SGCD: variants seen among roughly 807,000 people sequenced by gnomAD.
SGCD encodes the protein sarcoglycan delta.
Under a neutral mutation model 36.6 loss-of-function variants are expected in SGCD, and 18 were observed. The observed-to-expected ratio is 0.49, with a 90% CI of 0.34 to 0.73. The LOEUF is 0.73. SGCD is among the 30% of genes least tolerant of loss of function. The pLI is 0.01. For missense variants in SGCD, 387 were observed against 346.7 expected (o/e 1.12, Z -0.92); for synonymous variants, 133 against 130.6 (o/e 1.02, Z -0.12).
At chr5:156,642,186 C>T (rs1180576206) in intron 6 of SGCD, among the ~76,000 whole-genome samples, 1 of 152,114 alleles carries the variant, frequency 6.6e-6, no homozygotes, top group Non-Finnish European at 1.5e-5. Context: ...CTGATGACCT[C>T]ATCTAAACCT....
chr5:156,611,141 G>C (rs1398460225), intron 6 of SGCD, among the ~76,000 whole-genome samples: 1 of 152,196 alleles, frequency 6.6e-6, no homozygotes, highest in Non-Finnish European at 1.5e-5. Context: ...ACTCACGCTG[G>C]GAGCTGTAGA....
At chr5:156,370,073 G>C (rs1250618168) in intron 3 of SGCD, among the ~76,000 whole-genome samples, 1 of 152,006 alleles carries the variant, frequency 6.6e-6, no homozygotes, top group African/African-American at 2.4e-5. Flanking sequence ...TGTTCTCAGT[G>C]GGCACCCTCC....
intron 3 of SGCD, among the ~76,000 whole-genome samples, chr5:156,384,371 G>T (rs1160956184): frequency 6.6e-6 from 1 of 152,048 alleles, no homozygotes; most frequent in African/African-American, 2.4e-5. Context: ...CCTCCTGTAT[G>T]CTTCTGAATG....
At chr5:156,272,797 C>T (rs1766213490) in intron 3 of SGCD, among the ~76,000 whole-genome samples, 1 of 152,174 alleles carries the variant, frequency 6.6e-6, no homozygotes, top group African/African-American at 2.4e-5. Flanking sequence ...CTGTGGCCCA[C>T]AGCCTGTTTT....
intron 1 of SGCD, among the ~76,000 whole-genome samples, chr5:155,920,453 C>T (rs1756851982): frequency 6.6e-6 from 1 of 151,896 alleles, no homozygotes; most frequent in Non-Finnish European, 1.5e-5. Context: ...GATTGTAGTT[C>T]CCTGTGATGG....
intron 7 of SGCD, among the ~76,000 whole-genome samples, chr5:156,737,502 G>A (rs464992): frequency 0.9 from 137,382 of 152,260 alleles, 62,179 homozygotes; most frequent in African/African-American, 0.97. Context: ...TTAAGCTTGA[G>A]TGAGGTATAG....
intron 3 of SGCD, among the ~76,000 whole-genome samples, chr5:156,176,119 TTG>T (rs34739506): frequency 0.34 from 50,762 of 150,794 alleles, 9,213 homozygotes; most frequent in East Asian, 0.59. Flanking sequence ...CTAATATACT[TTG>T]TGTGTGTGTG....
In SGCD at chr5:156,409,345, CA is replaced by C. The variant is rs367943123; in HGVS notation, c.192+64669del. On this transcript the variant is annotated intron_variant, in intron 3 of 8. Coordinates refer to ENST00000337851, the MANE Select transcript of SGCD (RefSeq NM_000337.6). Reference sequence around the variant, plus strand: ...TGGTCAAACTTCTCTGTTTTAAAATCACTATGAACATTCTTTTTGTTCTGTC... The same window carrying C: ...TGGTCAAACTTCTCTGTTTTAAAATCCTATGAACATTCTTTTTGTTCTGTC... 4.1e-3 allele frequency among the ~76,000 whole-genome samples: 621 copies of C among 152,216 alleles called. 5 individuals carry two copies. Among genetic ancestry groups the C allele is most frequent in the African/African-American group, 0.014 (599 of 41,512 alleles).
chr5:155,895,501 G>A (rs906459344), intron 1 of SGCD, among the ~76,000 whole-genome samples: 1 of 152,140 alleles, frequency 6.6e-6, no homozygotes, highest in African/African-American at 2.4e-5. Flanking sequence ...ACAGCCAGGG[G>A]TTCATGAAAT....
At chr5:155,800,346 T>G in the SGCD span, among the ~76,000 whole-genome samples, 1 of 152,186 alleles carries the variant, frequency 6.6e-6, no homozygotes, top group Non-Finnish European at 1.5e-5. Flanking sequence ...TCCAAGTGTT[T>G]CTTTCAAATT....
intron 3 of SGCD, among the ~76,000 whole-genome samples, chr5:156,432,302 T>C (rs548729842): frequency 1.3e-5 from 2 of 152,332 alleles, no homozygotes; most frequent in Admixed American, 6.5e-5. Flanking sequence ...TTAGCCAGCA[T>C]GTTACAGGTG....
intron 7 of SGCD, among the ~76,000 whole-genome samples, chr5:156,724,319 A>G (rs1318271874): frequency 2.0e-5 from 3 of 152,216 alleles, no homozygotes; most frequent in Non-Finnish European, 2.9e-5. Flanking sequence ...AAATATAACT[A>G]GATACCCGGG....
At chr5:156,349,817 A>G (rs1204437389) in intron 3 of SGCD, among the ~76,000 whole-genome samples, 2 of 152,196 alleles carry the variant, frequency 1.3e-5, no homozygotes, top group South Asian at 2.1e-4. Context: ...AGCACATTTC[A>G]CAACTGCAAA....
At chr5:156,004,492 T>C (rs938792911) in intron 1 of SGCD, among the ~76,000 whole-genome samples, 1 of 152,176 alleles carries the variant, frequency 6.6e-6, no homozygotes, top group African/African-American at 2.4e-5. Context: ...GTTAGTACTA[T>C]GATTTTCCCT....
chr5:156,623,289 C>T (rs1325406362), intron 6 of SGCD, among the ~76,000 whole-genome samples: 1 of 152,092 alleles, frequency 6.6e-6, no homozygotes, highest in Non-Finnish European at 1.5e-5. Flanking sequence ...GACTGGGGAC[C>T]AGCAAGATCT....
At chr5:156,000,799 CAT>C (rs145379741) in intron 1 of SGCD, among the ~76,000 whole-genome samples, 20 of 145,030 alleles carry the variant, frequency 1.4e-4, no homozygotes, top group Non-Finnish European at 1.6e-4. Context: ...TTTCCTCACA[CAT>C]ATATATATAT....
At chr5:155,817,516 G>T in the SGCD span, among the ~76,000 whole-genome samples, 71,831 of 151,616 alleles carry the variant, frequency 0.47, 17,375 homozygotes, top group Admixed American at 0.64. Context: ...ACTTTCTTGT[G>T]TGGGTGATTA....
the SGCD span, among the ~76,000 whole-genome samples, chr5:155,750,219 A>G: frequency 6.6e-6 from 1 of 152,182 alleles, no homozygotes; most frequent in Admixed American, 6.5e-5. Flanking sequence ...TGTGTAATCA[A>G]ATGCCTTCAA....
intron 7 of SGCD, among the ~76,000 whole-genome samples, chr5:156,722,899 C>T (rs1755580199): frequency 6.6e-6 from 1 of 152,362 alleles, no homozygotes; most frequent in African/African-American, 2.4e-5. Flanking sequence ...GACCCAGCCA[C>T]CATCTTTCCT....
Sources: gnomAD v4.1 joint callset for allele counts (sites outside exome capture counted in the v4.1 genomes callset) on GRCh38, gnomAD v4.1.1 for gene constraint, MANE v1.5 for transcripts, NCBI Gene and HGNC (gene_info 2026-07-23, HGNC 2026-07-21) for gene names.